The following CNTNAP5 variants were observed in gnomAD, a reference collection of about 807,000 sequenced individuals.
The protein encoded by CNTNAP5 is contactin-associated protein-like 5.
Under a neutral mutation model 150.2 loss-of-function variants are expected in CNTNAP5, and 72 were observed. The ratio of observed to expected loss-of-function variants is 0.48; its 90% CI spans 0.40 to 0.58. The LOEUF is 0.58. Ranked by LOEUF, CNTNAP5 falls within the 20% of genes least tolerant of loss-of-function variation. The pLI, the probability that CNTNAP5 is intolerant of heterozygous loss-of-function variation, is 0.00. For missense variants in CNTNAP5, 1,636 were observed against 1,626.2 expected, an observed-to-expected ratio of 1.01 and a Z score of -0.10; for synonymous variants, 672 against 619.8, an observed-to-expected ratio of 1.08 and a Z score of -1.25.
chr2:124,330,990 T>C (rs1689336724), intron 3 of CNTNAP5, among the ~76,000 whole-genome samples: 1 of 152,142 alleles, frequency 6.6e-6, no homozygotes, highest in South Asian at 2.1e-4. Context: ...ATTTCATGAG[T>C]CCAGTTTTTG....
At chr2:124,299,309 T>C (rs1688516285) in intron 3 of CNTNAP5, among the ~76,000 whole-genome samples, 1 of 152,112 alleles carries the variant, frequency 6.6e-6, no homozygotes, top group South Asian at 2.1e-4. Context: ...CAGTACTCAT[T>C]AGTTATTTTT....
intron 3 of CNTNAP5, among the ~76,000 whole-genome samples, chr2:124,335,185 G>C (rs970167361): frequency 6.6e-6 from 1 of 152,020 alleles, no homozygotes; most frequent in Admixed American, 6.6e-5. Flanking sequence ...TATGACATTG[G>C]GTAGGCACTT....
chr2:124,199,909 C>T (rs1396770342), intron 1 of CNTNAP5, among the ~76,000 whole-genome samples: 5 of 152,156 alleles, frequency 3.3e-5, no homozygotes, highest in Admixed American at 3.3e-4. Context: ...ACAATCATCA[C>T]CCATGAATAA....
intron 3 of CNTNAP5, among the ~76,000 whole-genome samples, chr2:124,395,491 C>T (rs561526711): frequency 1.3e-5 from 2 of 152,046 alleles, no homozygotes; most frequent in Non-Finnish European, 2.9e-5. Flanking sequence ...AATAAATATT[C>T]TCTCTGCTCT....
intron 21 of CNTNAP5, among the ~76,000 whole-genome samples, chr2:124,896,488 A>G (rs1325857967): frequency 2.0e-5 from 3 of 151,542 alleles, no homozygotes; most frequent in Admixed American, 1.3e-4. Context: ...ATGGCAAAGC[A>G]AAGGCAGCCT....
At chr2:124,316,830 A>T (rs1416116409) in intron 3 of CNTNAP5, among the ~76,000 whole-genome samples, 1 of 144,614 alleles carries the variant, frequency 6.9e-6, no homozygotes, top group African/African-American at 2.6e-5. Context: ...AAAAAAAAAG[A>T]AAAAGAAAAA....
intron 7 of CNTNAP5, among the ~76,000 whole-genome samples, chr2:124,494,328 A>C (rs760241791): frequency 9.9e-5 from 15 of 152,130 alleles, no homozygotes; most frequent in Admixed American, 4.6e-4. Context: ...TAGAGGCCAA[A>C]GGCTGAGGCG....
intron 3 of CNTNAP5, among the ~76,000 whole-genome samples, chr2:124,290,124 T>G (rs766871735): frequency 6.6e-6 from 1 of 152,144 alleles, no homozygotes; most frequent in Non-Finnish European, 1.5e-5. Context: ...AGAAACAAGC[T>G]ATTAGGCCGG....
At chr2:124,148,777 ATGTGTGTATACATATATGTG>A (rs1684325700) in intron 1 of CNTNAP5, among the ~76,000 whole-genome samples, 1 of 39,162 alleles carries the variant, frequency 2.6e-5, no homozygotes. Context: ...GTGTGCACAT[ATGTGTGTATACATATATGTG>A]TGTATACATG....
At chr2:124,578,587 A>G (rs1362299096) in intron 11 of CNTNAP5, among the ~76,000 whole-genome samples, 2 of 152,046 alleles carry the variant, frequency 1.3e-5, no homozygotes, top group Non-Finnish European at 2.9e-5. Context: ...CTTGGGCAAT[A>G]CAGTGAAACT....
At chr2:124,223,573 A>G (rs889207680) in intron 2 of CNTNAP5, among the ~76,000 whole-genome samples, 1 of 151,946 alleles carries the variant, frequency 6.6e-6, no homozygotes, top group Non-Finnish European at 1.5e-5. Context: ...TTCCAGAGAA[A>G]GGAGTTGTCT....
chr2:124,819,447 G>A (rs1383164412), intron 19 of CNTNAP5, among the ~76,000 whole-genome samples: 1 of 151,954 alleles, frequency 6.6e-6, no homozygotes, highest in East Asian at 1.9e-4. Flanking sequence ...AGCTTTGTTG[G>A]GAATTTTAAT....
chr2:124,145,930 A>T (rs1194962134), intron 1 of CNTNAP5, among the ~76,000 whole-genome samples: 2 of 151,778 alleles, frequency 1.3e-5, no homozygotes, highest in Non-Finnish European at 2.9e-5. Flanking sequence ...ACTGTAAATG[A>T]TACACAGCTA....
chr2:124,030,318 T>G (rs1167051807), intron 1 of CNTNAP5, among the ~76,000 whole-genome samples: 1 of 152,142 alleles, frequency 6.6e-6, no homozygotes, highest in African/African-American at 2.4e-5. Flanking sequence ...CCTCATATTG[T>G]GTCCACATAA....
intron 3 of CNTNAP5, among the ~76,000 whole-genome samples, chr2:124,295,328 A>G (rs1046595239): frequency 2.8e-5 from 2 of 70,414 alleles, no homozygotes; most frequent in African/African-American, 1.1e-4. Context: ...GGAATGGATT[A>G]TGTGGTGTAC....
chr2:124,886,261 T>G (rs555137300), intron 21 of CNTNAP5, among the ~76,000 whole-genome samples: 1 of 152,192 alleles, frequency 6.6e-6, no homozygotes, highest in East Asian at 1.9e-4. Context: ...ATCCCAAGGT[T>G]ATTCTCTAAT....
intron 3 of CNTNAP5, among the ~76,000 whole-genome samples, chr2:124,300,241 T>G (rs1035110473): frequency 6.6e-6 from 1 of 152,228 alleles, no homozygotes; most frequent in Non-Finnish European, 1.5e-5. Flanking sequence ...CCTCTTATCT[T>G]AGGTTTACTG....
At chr2:124,124,631 A>G (rs1392048662) in intron 1 of CNTNAP5, among the ~76,000 whole-genome samples, 2 of 152,180 alleles carry the variant, frequency 1.3e-5, no homozygotes, top group Admixed American at 6.5e-5. Context: ...CAAAGTTGAA[A>G]TGAAGGAAAA....
intron 1 of CNTNAP5, among the ~76,000 whole-genome samples, chr2:124,195,146 C>T (rs1685553721): frequency 6.6e-6 from 1 of 152,092 alleles, no homozygotes; most frequent in South Asian, 2.1e-4. Flanking sequence ...ATTCACTGAA[C>T]ATTTATTACT....
Sources: allele counts gnomAD v4.1 joint callset (sites outside exome capture counted in the v4.1 genomes callset), GRCh38; gene constraint gnomAD v4.1.1; transcripts MANE v1.5; gene names NCBI Gene and HGNC (gene_info 2026-07-23, HGNC 2026-07-21).